Variants in ZRANB3 observed in about 807,000 individuals in gnomAD.
ZRANB3 encodes DNA annealing helicase and endonuclease ZRANB3.
ZRANB3 carries 125 observed loss-of-function variants against 133.8 expected under a neutral mutation model. The observed-to-expected ratio is 0.93, with a 90% CI of 0.81 to 1.08. The LOEUF is 1.08. ZRANB3 is among the 50% of genes least tolerant of loss of function. ZRANB3 has a pLI of 0.00. For missense variants in ZRANB3, 1,229 were observed against 1,275.5 expected (o/e 0.96, Z 0.56); for synonymous variants, 387 against 432.7 (o/e 0.89, Z 1.31).
intron 2 of ZRANB3, among the ~76,000 whole-genome samples, chr2:135,417,662 G>A (rs867521969): frequency 2.6e-5 from 4 of 152,168 alleles, no homozygotes; most frequent in Non-Finnish European, 4.4e-5. Flanking sequence ...ACATGCACAC[G>A]TATGTTTACT....
chr2:135,333,639 G>A (rs72982378), intron 6 of ZRANB3, among the ~76,000 whole-genome samples: 6,057 of 152,150 alleles, frequency 0.04, 418 homozygotes, highest in African/African-American at 0.14. Flanking sequence ...TAGGGGAGGC[G>A]GAAATGGGGT....
intron 2 of ZRANB3, among the ~76,000 whole-genome samples, chr2:135,391,674 G>C (rs1371993772): frequency 6.6e-6 from 1 of 151,182 alleles, no homozygotes; most frequent in Non-Finnish European, 1.5e-5. Flanking sequence ...CTGCCTCCCA[G>C]GTTCATGCTA....
At chr2:135,281,216 A>G (rs1223852305) in intron 8 of ZRANB3, among the ~76,000 whole-genome samples, 2 of 152,188 alleles carry the variant, frequency 1.3e-5, no homozygotes, top group Non-Finnish European at 2.9e-5. Context: ...AAGTCAGAAT[A>G]ATCTTTTCTT....
chr2:135,295,463 G>A (rs1463711841), intron 8 of ZRANB3, among the ~76,000 whole-genome samples: 3 of 152,174 alleles, frequency 2.0e-5, no homozygotes, highest in African/African-American at 7.2e-5. Context: ...TTTTGAGCCT[G>A]TGTGTGTCTC....
At position 135,340,726 on chromosome 2, in the gene ZRANB3, C is replaced by A. The variant is rs757508050; in HGVS notation, c.677+4824G>T. 2.6e-5 allele frequency among the ~76,000 whole-genome samples: 4 copies of A among 151,960 alleles called. No individual in the cohort carries two copies. In the East Asian group the frequency reaches 7.8e-4, roughly 30 times the overall value. ...AAATTAGCCGGGTGTGGTGGCGGCA[C>A]GCGCCTGTAATCTCAGCTACTCGGG... On this transcript the variant is annotated intron_variant, in intron 6 of 20. Coordinates refer to ENST00000264159, the MANE Select transcript of ZRANB3 (RefSeq NM_032143.4).
Position 135,200,436 on chromosome 2 carries a change from G to C in ZRANB3, c.3146C>G (p.Thr1049Ser), listed in dbSNP as rs1258679063. 6.3e-7 allele frequency: 1 copy of C among 1,597,906 alleles called. No individual in the cohort carries two copies. The highest frequency in any genetic ancestry group is 1.7e-5 in the Admixed American group (1 of 57,508). ...TLCTVCHKER[T>S]ARQAKERSQV... is the part of the protein sequence containing the mutation. ...GCTTCTTTCCTTAGCTTGTCTGGCA[G>C]TTCTCTAAAAGTTAAAAAATATGCA... Residue 1049 changes from threonine (T) to serine (S), a missense_variant, in exon 21 of 21, where the codon ACT becomes AGT. Coordinates refer to ENST00000264159, the MANE Select transcript of ZRANB3 (RefSeq NM_032143.4).
intron 3 of ZRANB3, among the ~76,000 whole-genome samples, chr2:135,366,714 T>C (rs1355338408): frequency 6.6e-6 from 1 of 152,154 alleles, no homozygotes; most frequent in Non-Finnish European, 1.5e-5. Context: ...TGTAAGTATT[T>C]ATTATTTAAA....
At chr2:135,472,604 G>A (rs978338930) in intron 2 of ZRANB3, among the ~76,000 whole-genome samples, 1 of 151,396 alleles carries the variant, frequency 6.6e-6, no homozygotes, top group African/African-American at 2.4e-5. Context: ...CTTGCATTAT[G>A]ACATGTCAGA....
At chr2:135,491,996 G>C (rs1692401150) in intron 2 of ZRANB3, among the ~76,000 whole-genome samples, 1 of 151,964 alleles carries the variant, frequency 6.6e-6, no homozygotes, top group South Asian at 2.1e-4. Context: ...AGAGAACAGA[G>C]TATATTACAC....
At chr2:135,333,289 G>GA (rs1212626314) in intron 6 of ZRANB3, among the ~76,000 whole-genome samples, 3 of 151,618 alleles carry the variant, frequency 2.0e-5, no homozygotes, top group African/African-American at 4.8e-5. Flanking sequence ...ATCCCCGAAA[G>GA]TACAGTATAT....
chr2:135,425,203 A>C (rs1299499671), intron 2 of ZRANB3, among the ~76,000 whole-genome samples: 2 of 152,222 alleles, frequency 1.3e-5, no homozygotes, highest in African/African-American at 2.4e-5. Context: ...GAAATTCAAC[A>C]CAAGAGTGGT....
intron 2 of ZRANB3, among the ~76,000 whole-genome samples, chr2:135,425,839 A>C (rs971376424): frequency 6.6e-6 from 1 of 152,122 alleles, no homozygotes; most frequent in African/African-American, 2.4e-5. Context: ...GAAATAACCA[A>C]AGTCAGAGCT....
At chr2:135,517,892 G>A (rs1343352795) in intron 1 of ZRANB3, among the ~76,000 whole-genome samples, 2 of 152,198 alleles carry the variant, frequency 1.3e-5, no homozygotes, top group Non-Finnish European at 2.9e-5. Context: ...CTCTGTCCCA[G>A]GAAGATGGGA....
At chr2:135,469,308 T>C (rs1676089846) in intron 2 of ZRANB3, among the ~76,000 whole-genome samples, 1 of 152,114 alleles carries the variant, frequency 6.6e-6, no homozygotes, top group Non-Finnish European at 1.5e-5. Context: ...AATTTGGATT[T>C]ACTTAAAATT....
At chr2:135,385,314 A>G (rs1169000231) in intron 3 of ZRANB3, among the ~76,000 whole-genome samples, 1 of 152,202 alleles carries the variant, frequency 6.6e-6, no homozygotes, top group Non-Finnish European at 1.5e-5. Flanking sequence ...AAGGAGAACT[A>G]CAAACCACTG....
rs1281612647 is a variant in ZRANB3, at chr2:135,451,587, AC to A, written c.161+52741del. ...AAAAAAACAAAAAAACAAAAAAAAA[AC>A]AAACCACTAACACTAAAAACACCTG... On this transcript the variant is annotated intron_variant, in intron 2 of 20. Coordinates refer to ENST00000264159, the MANE Select transcript of ZRANB3 (RefSeq NM_032143.4). Among the ~76,000 whole-genome samples the A allele has an allele frequency of 2.2e-3, 333 of 152,114 alleles. 2 individuals are homozygous for A. Among genetic ancestry groups the A allele is most frequent in the African/African-American group, 7.2e-3 (297 of 41,500 alleles).
At chr2:135,508,539 A>G (rs1049654671) in intron 1 of ZRANB3, among the ~76,000 whole-genome samples, 3 of 152,224 alleles carry the variant, frequency 2.0e-5, no homozygotes, top group African/African-American at 7.2e-5. Flanking sequence ...TATGAAGATA[A>G]AAGAAATCTA....
intron 2 of ZRANB3, among the ~76,000 whole-genome samples, chr2:135,419,686 T>G (rs1288008434): frequency 6.8e-6 from 1 of 148,054 alleles, no homozygotes; most frequent in African/African-American, 2.6e-5. Flanking sequence ...GCTGGGCACA[T>G]GTCCTCACAA....
chr2:135,358,936 C>A (rs1685554218), intron 3 of ZRANB3, among the ~76,000 whole-genome samples: 1 of 151,836 alleles, frequency 6.6e-6, no homozygotes, highest in South Asian at 2.1e-4. Context: ...CTTAACCCCA[C>A]CCCATAAGCC....
Sources: allele counts gnomAD v4.1 joint callset (sites outside exome capture counted in the v4.1 genomes callset), GRCh38; gene constraint gnomAD v4.1.1; transcripts MANE v1.5; gene names NCBI Gene and HGNC (gene_info 2026-07-23, HGNC 2026-07-21).